The following BBS9 variants were observed in gnomAD, a reference collection of about 807,000 sequenced individuals.
The protein encoded by BBS9 is protein PTHB1.
BBS9 carries 89 observed loss-of-function variants against 117.7 expected under a neutral mutation model. That is an observed-to-expected ratio of 0.76 (90% CI 0.64 to 0.90). The LOEUF is 0.90. Among genes scored for constraint, BBS9 ranks in the 40% least tolerant of loss-of-function variants. The pLI, the probability that BBS9 is intolerant of heterozygous loss-of-function variation, is 0.00. For synonymous variants in BBS9, 379 were observed against 370.9 expected, an observed-to-expected ratio of 1.02 and a Z score of -0.25; for missense variants, 982 against 1,042.2, an observed-to-expected ratio of 0.94 and a Z score of 0.80.
chr7:33,570,010 G>A (rs975222919), intron 21 of BBS9, among the ~76,000 whole-genome samples: 2 of 152,036 alleles, frequency 1.3e-5, no homozygotes, highest in Admixed American at 6.6e-5. Context: ...CTTAAAAAGT[G>A]GTTTTATTCT....
At chr7:33,491,344 T>C (rs1380472270) in intron 19 of BBS9, among the ~76,000 whole-genome samples, 1 of 152,098 alleles carries the variant, frequency 6.6e-6, no homozygotes, top group African/African-American at 2.4e-5. Context: ...ACCATTAAAG[T>C]GTTTATCAAA....
chr7:33,428,819 C>G (rs1584791128), intron 19 of BBS9, among the ~76,000 whole-genome samples: 1 of 152,114 alleles, frequency 6.6e-6, no homozygotes, highest in African/African-American at 2.4e-5. Context: ...CCTCTACAGG[C>G]TACTATGGTA....
chr7:33,624,316 C>T (rs1865542554), intron 21 of BBS9, among the ~76,000 whole-genome samples: 1 of 152,098 alleles, frequency 6.6e-6, no homozygotes. Flanking sequence ...TTCCACCCAC[C>T]ACCTACCACC....
chr7:33,172,890 A>C (rs1225423612), intron 4 of BBS9, among the ~76,000 whole-genome samples: 1 of 152,234 alleles, frequency 6.6e-6, no homozygotes, highest in Non-Finnish European at 1.5e-5. Flanking sequence ...CCAGAAAGGC[A>C]CCTTAATCAA....
Position 33,534,160 on chromosome 7 carries a change from G to T in BBS9, c.2505G>T (p.Gln835His). 6.2e-7 allele frequency: 1 copy of T among 1,614,112 alleles called. No homozygotes were observed. Among genetic ancestry groups the T allele is most frequent in the African/African-American group, 1.3e-5 (1 of 75,038 alleles). The change falls in exon 21 of 23, where the codon CAG (glutamine) becomes CAT (histidine). Residue 835 changes from glutamine to histidine, a missense_variant. Physicochemically the swap from Gln to His is conservative, Grantham distance 24 (BLOSUM62 0). Transcript: ENST00000242067. The stretch of plus-strand genomic sequence containing the variant: ...TAAGTACCGATGCAGCAGCCCCACA[G>T]ACCATGGTCATGCCAGGTAAGAGCT... ...LCLSTDAAAP[Q>H]TMVMPGGCTT...
chr7:33,409,070 G>A (rs1168614789), intron 19 of BBS9, among the ~76,000 whole-genome samples: 2 of 151,906 alleles, frequency 1.3e-5, no homozygotes, highest in Admixed American at 1.3e-4. Flanking sequence ...TTTGCTTGTT[G>A]ATTCGTTTAC....
chr7:33,404,203 A>C (rs1319955068), intron 19 of BBS9, among the ~76,000 whole-genome samples: 1 of 151,984 alleles, frequency 6.6e-6, no homozygotes, highest in African/African-American at 2.4e-5. Flanking sequence ...ATTGATCTAT[A>C]TCTCTGTTTT....
At chr7:33,615,015 G>A (rs1411701314) in intron 21 of BBS9, among the ~76,000 whole-genome samples, 5 of 151,978 alleles carry the variant, frequency 3.3e-5, no homozygotes, top group African/African-American at 1.2e-4. Flanking sequence ...GAGTGGAGGT[G>A]GGGAGCTAAG....
chr7:33,539,799 A>G (rs984182753), intron 21 of BBS9, among the ~76,000 whole-genome samples: 10 of 152,366 alleles, frequency 6.6e-5, no homozygotes, highest in South Asian at 2.1e-4. Context: ...GTTCTCCAGT[A>G]ACACTTTAAC....
chr7:33,243,135 T>C (rs1368488056), intron 5 of BBS9, among the ~76,000 whole-genome samples: 1 of 152,266 alleles, frequency 6.6e-6, no homozygotes, highest in Non-Finnish European at 1.5e-5. Flanking sequence ...ATTGGACTTC[T>C]GTTAGAAAAG....
intron 19 of BBS9, among the ~76,000 whole-genome samples, chr7:33,446,315 T>C (rs1836986072): frequency 6.6e-6 from 1 of 152,216 alleles, no homozygotes; most frequent in East Asian, 1.9e-4. Flanking sequence ...GGTACAATTC[T>C]TAGTCCATAG....
At chr7:33,172,634 A>G (rs1011935625) in intron 4 of BBS9, among the ~76,000 whole-genome samples, 10 of 152,216 alleles carry the variant, frequency 6.6e-5, no homozygotes, top group Non-Finnish European at 1.5e-4. Context: ...TTCATTTGCT[A>G]GCTTTTAAAT....
chr7:33,157,262 A>G (rs561533819), intron 4 of BBS9, among the ~76,000 whole-genome samples: 67 of 152,202 alleles, frequency 4.4e-4, no homozygotes, highest in Non-Finnish European at 9.1e-4. Context: ...AGAAAAACGT[A>G]CTGAAAGAAA....
At chr7:33,184,343 G>A (rs1327468994) in intron 5 of BBS9, among the ~76,000 whole-genome samples, 2 of 152,170 alleles carry the variant, frequency 1.3e-5, no homozygotes, top group African/African-American at 4.8e-5. Context: ...CGGTGATCCT[G>A]TACATGCCTA....
chr7:33,387,841 C>G (rs1367461045), intron 18 of BBS9, 151 bp from the exon 19 acceptor site: 6 of 868,390 alleles, frequency 6.9e-6, no homozygotes, highest in Admixed American at 2.3e-5. Context: ...GATTCATGTA[C>G]CAAATACCAC....
chr7:33,395,781 T>G, intron 19 of BBS9, among the ~76,000 whole-genome samples: 1 of 152,170 alleles, frequency 6.6e-6, no homozygotes, highest in East Asian at 1.9e-4. Flanking sequence ...TAAGAGCTTT[T>G]TGGTCCATGG....
At chr7:33,577,216 AC>A (rs757881059) in intron 21 of BBS9, among the ~76,000 whole-genome samples, 2 of 152,198 alleles carry the variant, frequency 1.3e-5, no homozygotes, top group Non-Finnish European at 2.9e-5. Context: ...AGGAAAAAAA[AC>A]AACCCCATCC....
chr7:33,354,334 A>T (rs898882829), intron 15 of BBS9, among the ~76,000 whole-genome samples: 2 of 152,174 alleles, frequency 1.3e-5, no homozygotes, highest in Admixed American at 6.5e-5. Flanking sequence ...TGCAATGCAG[A>T]TAAGCAGTTC....
chr7:33,629,882 A>G (rs946692996), intron 21 of BBS9, among the ~76,000 whole-genome samples: 1 of 152,348 alleles, frequency 6.6e-6, no homozygotes, highest in Admixed American at 6.5e-5. Context: ...GTTACCTCTG[A>G]GTTCCTCTAA....
Sources: gnomAD v4.1 joint callset for allele counts (sites outside exome capture counted in the v4.1 genomes callset) on GRCh38, gnomAD v4.1.1 for gene constraint, MANE v1.5 for transcripts, NCBI Gene and HGNC (gene_info 2026-07-23, HGNC 2026-07-21) for gene names.